MIA2: variants seen among roughly 807,000 people sequenced by gnomAD.
MIA2 encodes melanoma inhibitory activity protein 2.
A neutral mutation model predicts 167.8 loss-of-function variants in MIA2; 127 were observed. The ratio of observed to expected loss-of-function variants is 0.76; its 90% CI spans 0.66 to 0.88. The LOEUF (loss-of-function observed/expected upper bound fraction) is 0.88. Ranked by LOEUF, MIA2 falls within the 40% of genes least tolerant of loss-of-function variation. MIA2 has a pLI of 0.00. For missense variants in MIA2, 1,690 were observed against 1,624.7 expected (o/e 1.04, Z -0.69); for synonymous variants, 552 against 541.9 (o/e 1.02, Z -0.26).
At chr14:39,272,351 C>CA (rs1056588852) in intron 6 of MIA2, among the ~76,000 whole-genome samples, 2 of 150,660 alleles carry the variant, frequency 1.3e-5, no homozygotes, top group Non-Finnish European at 3.0e-5. Context: ...GACTCCATCC[C>CA]AAAAAAAAGA....
chr14:39,382,996 G>GT (rs1263924961), intron 23 of MIA2, among the ~76,000 whole-genome samples: 2 of 17,992 alleles, frequency 1.1e-4, no homozygotes, highest in Admixed American at 7.7e-4. Flanking sequence ...TATAACTTTT[G>GT]TTTTTTACAG....
rs2065275773 is a variant in MIA2, at chr14:39,315,679, T to C, written c.3181-4T>C. 2 of 1,550,790 alleles carry C rather than the reference T, an allele frequency of 1.3e-6. No homozygotes were observed. Among genetic ancestry groups the C allele is most frequent in the African/African-American group, 1.4e-5 (1 of 73,116 alleles). On this transcript the variant is annotated splice_region_variant and splice_polypyrimidine_tract_variant and intron_variant, in intron 20 of 28. Transcript: ENST00000640607. Reference sequence around the variant, plus strand: ...AGTAGCATTTTAATTACTTTCTTTTTCAGATTATTTCCCATGAGAAAAAAG... The same window carrying C: ...AGTAGCATTTTAATTACTTTCTTTTCCAGATTATTTCCCATGAGAAAAAAG...
intron 27 of MIA2, among the ~76,000 whole-genome samples, chr14:39,348,041 G>C (rs1025735061): frequency 4.6e-5 from 7 of 151,874 alleles, no homozygotes; most frequent in African/African-American, 1.7e-4. Context: ...TTGAAGTCCT[G>C]ACCTCAGATG....
chr14:39,314,635 A>ATT, intron 19 of MIA2, 104 bp from the exon 20 acceptor site: 1 of 350,730 alleles, frequency 2.9e-6, no homozygotes, highest in Non-Finnish European at 4.7e-6. Flanking sequence ...TTTTTCATGA[A>ATT]GTAGAGCATT....
chr14:39,363,502 C>G (rs2074743092), intron 23 of MIA2, among the ~76,000 whole-genome samples: 1 of 152,174 alleles, frequency 6.6e-6, no homozygotes, highest in African/African-American at 2.4e-5. Flanking sequence ...GTTCTCCAGC[C>G]TGGGTGACAC....
chr14:39,237,082 T>G, intron 2 of MIA2, 27 bp downstream of exon 2: 5 of 1,607,986 alleles, frequency 3.1e-6, no homozygotes, highest in Non-Finnish European at 3.4e-6. Context: ...AAAAATTGAA[T>G]GCAGAATAAA....
chr14:39,311,466 C>CTTTTTT (rs35478238), intron 18 of MIA2, among the ~76,000 whole-genome samples: 3 of 43,322 alleles, frequency 6.9e-5, no homozygotes, highest in Admixed American at 3.4e-4. Context: ...TGATGTGTTG[C>CTTTTTT]TTTTTTTTTT....
At position 39,233,982 on chromosome 14, in the gene MIA2, A is replaced by G; in HGVS notation, c.-133A>G. 7.9e-6 allele frequency: 4 copies of G among 506,816 alleles called. No individual in the cohort carries two copies. The South Asian group carries it at 1.1e-4, about 13-fold the overall frequency. 31.4% of individuals were successfully genotyped at this position (506,816 alleles called of 1,614,324 possible). On this transcript the variant is annotated 5_prime_UTR_variant, in exon 1 of 29. Coordinates refer to ENST00000640607, the MANE Select transcript of MIA2 (RefSeq NM_001329214.4). ...GATAGAAAAAGGTAGTTATCAAGAG[A>G]TTTTTAAAACTTCAACCCTTTTTCT...
At chr14:39,236,870 G>A in intron 1 of MIA2, 52 bp from the exon 2 acceptor site, 1 of 1,509,846 alleles carries the variant, frequency 6.6e-7, no homozygotes, top group Non-Finnish European at 9.0e-7. Flanking sequence ...GAAAGGAGGA[G>A]AAATATCATT....
intron 13 of MIA2, among the ~76,000 whole-genome samples, chr14:39,299,301 A>ATTTTTTT (rs1555376456): frequency 5.1e-5 from 3 of 58,534 alleles, no homozygotes; most frequent in African/African-American, 1.1e-4. Flanking sequence ...GATTAATGGT[A>ATTTTTTT]TTTCTTTTTT....
chr14:39,265,925 C>T (rs748088561), intron 6 of MIA2: 5 of 973,002 alleles, frequency 5.1e-6, no homozygotes, highest in Non-Finnish European at 6.1e-6. Flanking sequence ...ATTTTGGCTA[C>T]TCTGATATTA....
chr14:39,265,528 C>CT (rs991689894), intron 6 of MIA2: 875 of 782,054 alleles, frequency 1.1e-3, no homozygotes, highest in East Asian at 1.6e-3. Flanking sequence ...TTGGATTTTT[C>CT]TTTTTTTTTC....
intron 23 of MIA2, among the ~76,000 whole-genome samples, chr14:39,384,463 C>G (rs1218730309): frequency 1.3e-5 from 2 of 152,062 alleles, no homozygotes; most frequent in Non-Finnish European, 1.5e-5. Flanking sequence ...CATTCTGCAG[C>G]CCATGGATCA....
At position 39,303,941 on chromosome 14, in the gene MIA2, A is replaced by G. The variant is rs1474386014; in HGVS notation, c.2788-350A>G. Among the ~76,000 whole-genome samples the G allele has an allele frequency of 2.0e-5, 3 of 151,636 alleles. No individual in the cohort carries two copies. In the East Asian group the frequency reaches 5.8e-4, roughly 29 times the overall value. On this transcript the variant is annotated intron_variant, in intron 16 of 28. Coordinates refer to ENST00000640607, the MANE Select transcript of MIA2 (RefSeq NM_001329214.4). ...TCCACCCTAGTAGTGTGGTATCCTCATTTTTGCTGATCTATGTGAAGTCTT... is the reference window on the plus strand; with the variant it reads ...TCCACCCTAGTAGTGTGGTATCCTCGTTTTTGCTGATCTATGTGAAGTCTT...
intron 23 of MIA2, among the ~76,000 whole-genome samples, chr14:39,356,820 A>G (rs1272816951): frequency 6.6e-6 from 1 of 152,230 alleles, no homozygotes; most frequent in Non-Finnish European, 1.5e-5. Context: ...CCCAGTAGTC[A>G]TTCAGGAGGA....
intron 10 of MIA2, among the ~76,000 whole-genome samples, chr14:39,291,314 TG>T (rs1373678897): frequency 1.3e-5 from 2 of 152,170 alleles, no homozygotes; most frequent in Non-Finnish European, 1.5e-5. Flanking sequence ...ATTGCTAACT[TG>T]TTTTGAGTCA....
At position 39,252,887 on chromosome 14, in the gene MIA2, T is replaced by C; in HGVS notation, c.1707T>C (p.Ser569=). Residue 569 remains serine, a synonymous_variant, in exon 5 of 29, where the codon TCT becomes TCC. Transcript: ENST00000640607. ...EGPALVEIDR[S]VENTLLNSQM... Reference sequence around the variant, plus strand: ...CTGCTCTGGTGGAGATAGACAGATCTGTGGAAAATACCCTGCTAAATAGTC... The same window carrying C: ...CTGCTCTGGTGGAGATAGACAGATCCGTGGAAAATACCCTGCTAAATAGTC... 1 of 1,614,032 alleles carries C rather than the reference T, an allele frequency of 6.2e-7. No homozygotes were observed. Among genetic ancestry groups the C allele is most frequent in the Non-Finnish European group, 8.5e-7 (1 of 1,179,962 alleles).
intron 25 of MIA2, among the ~76,000 whole-genome samples, chr14:39,335,556 T>G (rs767557742): frequency 6.6e-6 from 1 of 152,210 alleles, no homozygotes; most frequent in Non-Finnish European, 1.5e-5. Context: ...CTCTAACTTA[T>G]CTCTTTTCTC....
rs1161484831 is a variant in MIA2 at position 39,277,066 on chromosome 14, G to C, written c.2019+1G>C. The C allele has an allele frequency of 1.2e-6, 2 of 1,613,254 alleles. No homozygotes were observed. The highest frequency in any genetic ancestry group is 1.7e-6 in the Non-Finnish European group (2 of 1,179,782). ...TTTTTTGTGGAGAAGTTTTAGATCGGTAAGTAACCAGTGCTATACTAAGAG... is the reference window on the plus strand; with the variant it reads ...TTTTTTGTGGAGAAGTTTTAGATCGCTAAGTAACCAGTGCTATACTAAGAG... On this transcript the variant is annotated splice_donor_variant, in intron 7 of 28. Coordinates refer to ENST00000640607, the MANE Select transcript of MIA2 (RefSeq NM_001329214.4). LOFTEE classifies it high-confidence loss of function.
Sources: allele counts gnomAD v4.1 joint callset (sites outside exome capture counted in the v4.1 genomes callset), GRCh38; gene constraint gnomAD v4.1.1; transcripts MANE v1.5; gene names NCBI Gene and HGNC (gene_info 2026-07-23, HGNC 2026-07-21).